TACC2: variants seen among roughly 807,000 people sequenced by gnomAD.
The protein encoded by TACC2 is transforming acidic coiled-coil-containing protein 2.
Under a neutral mutation model 227.3 loss-of-function variants are expected in TACC2, and 137 were observed. The observed-to-expected ratio is 0.60, with a 90% confidence interval of 0.52 to 0.69. The LOEUF (loss-of-function observed/expected upper bound fraction) is 0.69, where lower values mean the gene tolerates loss of function less well. Ranked by LOEUF, TACC2 falls within the 30% of genes least tolerant of loss-of-function variation. TACC2 has a pLI of 0.00. For missense variants in TACC2, 3,470 were observed against 3,694.4 expected (o/e 0.94, Z 1.57); for synonymous variants, 1,523 against 1,487.5 (o/e 1.02, Z -0.55).
chr10:122,108,437 A>ATT (rs2083169326), intron 5 of TACC2, among the ~76,000 whole-genome samples: 4 of 88,618 alleles, frequency 4.5e-5, no homozygotes, highest in Admixed American at 1.4e-4. Flanking sequence ...TGTATGTCAT[A>ATT]TTTTCTTTTT....
At chr10:122,104,776 C>A (rs12764791) in intron 5 of TACC2, among the ~76,000 whole-genome samples, 14,457 of 152,248 alleles carry the variant, frequency 0.095, 842 homozygotes, top group East Asian at 0.25. Flanking sequence ...TATTGAAATA[C>A]TCTAATCTGA....
chr10:122,121,106 C>T (rs1396123250), intron 5 of TACC2, among the ~76,000 whole-genome samples: 1 of 152,172 alleles, frequency 6.6e-6, no homozygotes, highest in Non-Finnish European at 1.5e-5. Flanking sequence ...CACATAGAGC[C>T]TGGGGTGCCT....
Position 122,014,049 on chromosome 10 carries a change from T to C in TACC2, c.-45-7888T>C, listed in dbSNP as rs145021660. ...CATGCTGCAAAAAAAAAGATAATTT[T>C]TTCAATAGAGAATAAAAACTCTAAT... On this transcript the variant is annotated intron_variant, in intron 1 of 22. Transcript: ENST00000369005. Among the ~76,000 whole-genome samples, 5 of 152,294 alleles carry C rather than the reference T, an allele frequency of 3.3e-5. No individual in the cohort carries two copies. In the East Asian group the frequency reaches 9.6e-4, roughly 29 times the overall value.
intron 7 of TACC2, among the ~76,000 whole-genome samples, chr10:122,160,340 A>C (rs2092741524): frequency 6.6e-6 from 1 of 152,160 alleles, no homozygotes; most frequent in Admixed American, 6.5e-5. Flanking sequence ...GTTTGAGTTC[A>C]GGGTCTCATT....
chr10:122,107,010 G>A (rs978665420), intron 5 of TACC2, among the ~76,000 whole-genome samples: 5 of 152,238 alleles, frequency 3.3e-5, no homozygotes, highest in African/African-American at 1.2e-4. Flanking sequence ...CAGGAGCCAT[G>A]CTGTCTTGTG....
chr10:122,219,062 G>T (rs1425900220), intron 11 of TACC2, among the ~76,000 whole-genome samples: 1 of 147,036 alleles, frequency 6.8e-6, no homozygotes, highest in Admixed American at 6.8e-5. Context: ...GCTCTCCCCT[G>T]ACCCCAGAGG....
intron 6 of TACC2, among the ~76,000 whole-genome samples, chr10:122,136,871 TA>T (rs1206472444): frequency 6.6e-6 from 1 of 151,744 alleles, no homozygotes; most frequent in Non-Finnish European, 1.5e-5. Context: ...TTTTAATTAA[TA>T]AAAAAAATTT....
chr10:122,083,487 C>T lies in TACC2; in HGVS notation c.987C>T (p.Ser329=). ...CAGAAGCAGAAGTGAATGCCGCTTC[C>T]CAGGAGAGCTGCCAGCAGCCAGTGG... is the stretch of plus-strand genomic sequence containing the variant. The part of the protein sequence containing the change: ...AAPEAEVNAA[S]QESCQQPVGA... The change falls in exon 4 of 23, where the codon TCC becomes TCT. Residue 329 remains serine (S), a synonymous_variant. Transcript: ENST00000369005. The T allele has an allele frequency of 6.2e-7, 1 of 1,613,234 alleles. No individual in the cohort carries two copies. Among genetic ancestry groups the T allele is most frequent in the Non-Finnish European group, 8.5e-7 (1 of 1,180,014 alleles).
chr10:122,134,233 A>G (rs1331930511), intron 6 of TACC2, among the ~76,000 whole-genome samples: 1 of 149,608 alleles, frequency 6.7e-6, no homozygotes, highest in Non-Finnish European at 1.5e-5. Flanking sequence ...GTACAGTGGC[A>G]CAATCTCTGC....
At chr10:122,018,806 T>C (rs1282019895) in intron 1 of TACC2, among the ~76,000 whole-genome samples, 1 of 152,216 alleles carries the variant, frequency 6.6e-6, no homozygotes, top group Non-Finnish European at 1.5e-5. Flanking sequence ...TACACACTTC[T>C]GCTCTGTTCC....
chr10:122,022,930 C>T (rs1292195937), intron 2 of TACC2: 1 of 152,196 alleles, frequency 6.6e-6, no homozygotes, highest in East Asian at 1.9e-4. Flanking sequence ...GACACTTTCT[C>T]ATTTATCTCA....
At chr10:122,068,429 C>T (rs2077624909) in intron 3 of TACC2, among the ~76,000 whole-genome samples, 1 of 152,030 alleles carries the variant, frequency 6.6e-6, no homozygotes, top group Non-Finnish European at 1.5e-5. Flanking sequence ...CCTATAAATG[C>T]TATTGAACTT....
intron 15 of TACC2, 137 bp downstream of exon 15, chr10:122,229,623 A>G: frequency 1.0e-6 from 1 of 983,418 alleles, no homozygotes; most frequent in Non-Finnish European, 1.5e-6. Context: ...CTTCCCCTCA[A>G]AGGATGGTAT....
intron 7 of TACC2, among the ~76,000 whole-genome samples, chr10:122,154,840 C>T (rs1225076088): frequency 2.0e-5 from 3 of 152,284 alleles, no homozygotes; most frequent in Non-Finnish European, 2.9e-5. Context: ...ACTCTGCCCA[C>T]GGACTTTATG....
chr10:122,116,226 G>C (rs1363112994), intron 5 of TACC2, among the ~76,000 whole-genome samples: 1 of 152,198 alleles, frequency 6.6e-6, no homozygotes, highest in East Asian at 1.9e-4. Flanking sequence ...AGGGAATGTA[G>C]AGCAGCCGAC....
At chr10:122,037,044 A>C (rs566780147) in intron 2 of TACC2, among the ~76,000 whole-genome samples, 1 of 152,172 alleles carries the variant, frequency 6.6e-6, no homozygotes, top group South Asian at 2.1e-4. Flanking sequence ...GATGAAGTGC[A>C]GGGGACAGCT....
At chr10:122,133,932 G>T (rs546477448) in intron 6 of TACC2, among the ~76,000 whole-genome samples, 2 of 152,212 alleles carry the variant, frequency 1.3e-5, no homozygotes, top group East Asian at 1.9e-4. Flanking sequence ...AACCAGATGA[G>T]GGGGGGACAG....
Position 122,086,655 on chromosome 10 carries a change from GCAGGGCACATCAGGTGGTGTGGACA to G in TACC2, c.4158_4182del (p.Gly1387AlafsTer58). On this transcript the variant is annotated frameshift_variant, in exon 4 of 23. Transcript: ENST00000369005. LOFTEE classifies it high-confidence loss of function. ...TGGGAGAGCCTTCCCAGGACCCAAA[GCAGGGCACATCAGGTGGTGTGGACA>G]CAAGCTCTGAGCAAATCGCCACCCT... 1 of 1,609,796 alleles carries G rather than the reference GCAGGGCACATCAGGTGGTGTGGACA, an allele frequency of 6.2e-7. No individual in the cohort carries two copies.
intron 9 of TACC2, among the ~76,000 whole-genome samples, chr10:122,214,985 C>T (rs917617053): frequency 2.0e-4 from 30 of 152,194 alleles, no homozygotes; most frequent in African/African-American, 6.7e-4. Context: ...TCGCCTTGCC[C>T]GTCTGTAAAT....
Sources: gnomAD v4.1 joint callset for allele counts (sites outside exome capture counted in the v4.1 genomes callset) on GRCh38, gnomAD v4.1.1 for gene constraint, MANE v1.5 for transcripts, NCBI Gene and HGNC (gene_info 2026-07-23, HGNC 2026-07-21) for gene names.